The following ZZZ3 variants were observed in gnomAD, a reference collection of about 807,000 sequenced individuals.
ZZZ3 encodes zinc finger ZZ-type containing 3.
A neutral mutation model predicts 95.2 loss-of-function variants in ZZZ3; 22 were observed. The ratio of observed to expected loss-of-function variants is 0.23; its 90% CI spans 0.17 to 0.33. The LOEUF is 0.33. Among genes scored for constraint, ZZZ3 ranks in the 10% least tolerant of loss-of-function variants. The pLI, the probability that ZZZ3 is intolerant of heterozygous loss-of-function variation, is 1.00. For missense variants in ZZZ3, 885 were observed against 1,066.5 expected (o/e 0.83, Z 2.37); for synonymous variants, 335 against 358.9 (o/e 0.93, Z 0.75).
rs1012527246 is a variant in ZZZ3 at position 77,592,715 on chromosome 1, T to C, written c.1506-8060A>G. 5.3e-5 allele frequency among the ~76,000 whole-genome samples: 8 copies of C among 152,310 alleles called. No homozygotes were observed. The East Asian group carries it at 1.2e-3, about 22-fold the overall frequency. ...TAGGAAACTACAAAAATTGAGCATG[T>C]AGCTTCTAAAAGGAAGCAAATAAAA... On this transcript the variant is annotated intron_variant, in intron 5 of 14. Transcript: ENST00000370801.
chr1:77,598,079 G>A (rs1005092800), intron 5 of ZZZ3, among the ~76,000 whole-genome samples: 8 of 151,842 alleles, frequency 5.3e-5, no homozygotes, highest in Admixed American at 4.6e-4. Context: ...GCAACAACAG[G>A]GGTTAGGAGC....
chr1:77,573,684 A>G (rs920465574), intron 12 of ZZZ3, among the ~76,000 whole-genome samples: 4 of 152,210 alleles, frequency 2.6e-5, no homozygotes, highest in African/African-American at 9.6e-5. Flanking sequence ...CAAGTTTAAA[A>G]GGAAATTTTA....
chr1:77,624,202 G>A (rs1667134564), intron 5 of ZZZ3, among the ~76,000 whole-genome samples: 1 of 152,192 alleles, frequency 6.6e-6, no homozygotes, highest in Admixed American at 6.5e-5. Flanking sequence ...TTTGATCCCA[G>A]TTCCTGACAC....
chr1:77,658,638 A>G (rs1323725344), intron 1 of ZZZ3, among the ~76,000 whole-genome samples: 2 of 151,924 alleles, frequency 1.3e-5, no homozygotes, highest in African/African-American at 4.8e-5. Flanking sequence ...TGTTGGGATT[A>G]CAGGCGTGAG....
intron 5 of ZZZ3, among the ~76,000 whole-genome samples, chr1:77,605,857 C>T (rs189072498): frequency 6.6e-6 from 1 of 152,256 alleles, no homozygotes; most frequent in Admixed American, 6.5e-5. Context: ...ACATCATGGG[C>T]CTTGGGTGAG....
intron 5 of ZZZ3, among the ~76,000 whole-genome samples, chr1:77,588,256 T>G (rs746308878): frequency 7.2e-5 from 11 of 152,216 alleles, no homozygotes; most frequent in Non-Finnish European, 7.3e-5. Flanking sequence ...AATAAATTTA[T>G]GAGCCCAGTA....
At chr1:77,670,810 C>T (rs1177340062) in intron 1 of ZZZ3, among the ~76,000 whole-genome samples, 1 of 151,372 alleles carries the variant, frequency 6.6e-6, no homozygotes, top group African/African-American at 2.4e-5. Flanking sequence ...GAAGGAAGGG[C>T]TGTCATGCGG....
chr1:77,637,675 TAA>T (rs1668427892), intron 4 of ZZZ3, among the ~76,000 whole-genome samples: 1 of 152,024 alleles, frequency 6.6e-6, no homozygotes, highest in Non-Finnish European at 1.5e-5. Flanking sequence ...AAATAAAAAA[TAA>T]AAAGTCTGTA....
At chr1:77,655,657 C>T (rs1055049367) in intron 1 of ZZZ3, among the ~76,000 whole-genome samples, 4 of 152,180 alleles carry the variant, frequency 2.6e-5, no homozygotes, top group African/African-American at 9.7e-5. Context: ...ATAGATAAAA[C>T]TCTCCTTCAG....
Position 77,636,705 on chromosome 1 carries a change from GAAA to G in ZZZ3, c.-52+2741_-52+2743del, listed in dbSNP as rs10568853. Among the ~76,000 whole-genome samples the G allele has an allele frequency of 7.7e-4, 52 of 67,608 alleles. 2 individuals are homozygous for G. In the East Asian group the frequency reaches 0.013, roughly 17 times the overall value. 44.4% of individuals were successfully genotyped at this position (67,608 alleles called of 152,430 possible). On this transcript the variant is annotated intron_variant, in intron 4 of 14. Transcript: ENST00000370801. ...GGTGATGGGAGCAAGGCCCTGTCTT[GAAA>G]AAAAAAAAAAAAAAAAAAAAATCAC...
chr1:77,652,277 A>G (rs1233180343), intron 1 of ZZZ3, among the ~76,000 whole-genome samples: 1 of 152,208 alleles, frequency 6.6e-6, no homozygotes, highest in Non-Finnish European at 1.5e-5. Context: ...TAATCTAAAA[A>G]TGGGTAAAAG....
intron 6 of ZZZ3, 95 bp downstream of exon 6, chr1:77,584,422 T>A: frequency 1.2e-5 from 15 of 1,261,574 alleles, no homozygotes; most frequent in Non-Finnish European, 1.6e-5. Context: ...TTAAACATTT[T>A]AAAAAGTATA....
At chr1:77,595,251 C>G (rs1254257606) in intron 5 of ZZZ3, among the ~76,000 whole-genome samples, 1 of 151,808 alleles carries the variant, frequency 6.6e-6, no homozygotes, top group African/African-American at 2.4e-5. Flanking sequence ...CTAGAATTTG[C>G]CAGAGTTTTA....
intron 5 of ZZZ3, among the ~76,000 whole-genome samples, chr1:77,628,001 C>A (rs539828032): frequency 6.6e-6 from 1 of 152,182 alleles, no homozygotes; most frequent in African/African-American, 2.4e-5. Flanking sequence ...CCAGTGATTA[C>A]GTTTTGAATT....
At chr1:77,633,580 G>A (rs187686656) in intron 4 of ZZZ3, among the ~76,000 whole-genome samples, 175 bp from the exon 5 acceptor site, 1 of 152,136 alleles carries the variant, frequency 6.6e-6, no homozygotes, top group African/African-American at 2.4e-5. Flanking sequence ...TTCCAATAAT[G>A]ATATAAATTA....
intron 1 of ZZZ3, among the ~76,000 whole-genome samples, chr1:77,669,542 C>T (rs1018945283): frequency 6.6e-6 from 1 of 151,258 alleles, no homozygotes; most frequent in Non-Finnish European, 1.5e-5. Context: ...CTGCAACCTC[C>T]GCCCCTCTGG....
At chr1:77,627,741 A>G (rs1340566616) in intron 5 of ZZZ3, among the ~76,000 whole-genome samples, 1 of 152,204 alleles carries the variant, frequency 6.6e-6, no homozygotes, top group East Asian at 1.9e-4. Flanking sequence ...TTCATTATCT[A>G]GAAACTTAAG....
chr1:77,608,599 C>T (rs1157956212), intron 5 of ZZZ3, among the ~76,000 whole-genome samples: 2 of 152,112 alleles, frequency 1.3e-5, no homozygotes, highest in Non-Finnish European at 2.9e-5. Flanking sequence ...CCCAGGAAAA[C>T]ACAGAATAAT....
intron 4 of ZZZ3, among the ~76,000 whole-genome samples, chr1:77,635,210 A>G (rs1009737501): frequency 6.6e-6 from 1 of 152,240 alleles, no homozygotes; most frequent in Non-Finnish European, 1.5e-5. Context: ...ATTAAGTGAG[A>G]AAGTACCCTG....
Sources: gnomAD v4.1 joint callset for allele counts (sites outside exome capture counted in the v4.1 genomes callset) on GRCh38, gnomAD v4.1.1 for gene constraint, MANE v1.5 for transcripts, NCBI Gene and HGNC (gene_info 2026-07-23, HGNC 2026-07-21) for gene names.